The following CFAP57 variants were observed in gnomAD, a reference collection of about 807,000 sequenced individuals.
The protein encoded by CFAP57 is cilia- and flagella-associated protein 57.
Under a neutral mutation model 146.8 loss-of-function variants are expected in CFAP57, and 116 were observed. The observed-to-expected ratio is 0.79, with a 90% confidence interval of 0.68 to 0.92. CFAP57 has a LOEUF of 0.92. Ranked by LOEUF, CFAP57 falls within the 40% of genes least tolerant of loss-of-function variation. The pLI, the probability that CFAP57 is intolerant of heterozygous loss-of-function variation, is 0.00. For synonymous variants in CFAP57, 518 were observed against 552.8 expected, an observed-to-expected ratio of 0.94 and a Z score of 0.88; for missense variants, 1,377 against 1,527.2, an observed-to-expected ratio of 0.90 and a Z score of 1.64.
rs771499986 is a variant in CFAP57 at position 43,183,892 on chromosome 1, T to C, written c.761+15T>C. The C allele has an allele frequency of 3.7e-6, 6 of 1,613,256 alleles. No individual in the cohort carries two copies. The Admixed American group carries it at 6.7e-5, about 18-fold the overall frequency. On this transcript the variant is annotated intron_variant, in intron 4 of 22. Coordinates refer to ENST00000372492, the MANE Select transcript of CFAP57 (RefSeq NM_001378189.1). Reference sequence around the variant, plus strand: ...GAATCAGAGAGGTAATGGTGCTTCCTGGGCTGGTGCTCCCACATTCATTGT... The same window carrying C: ...GAATCAGAGAGGTAATGGTGCTTCCCGGGCTGGTGCTCCCACATTCATTGT...
intron 19 of CFAP57, among the ~76,000 whole-genome samples, chr1:43,233,867 G>C (rs1645575776): frequency 6.6e-6 from 1 of 152,198 alleles, no homozygotes; most frequent in South Asian, 2.1e-4. Flanking sequence ...CACGGGGGAC[G>C]TGGAAGCCCT....
intron 22 of CFAP57, among the ~76,000 whole-genome samples, chr1:43,248,037 A>G (rs761546891): frequency 1.3e-5 from 2 of 150,322 alleles, no homozygotes; most frequent in Non-Finnish European, 3.0e-5. Context: ...CCACTCAGCT[A>G]CTGAAGCAGG....
At chr1:43,174,772 C>T (rs964490075) in intron 2 of CFAP57, among the ~76,000 whole-genome samples, 55 of 152,148 alleles carry the variant, frequency 3.6e-4, no homozygotes, top group Admixed American at 3.5e-3. Context: ...GCCAAGATCG[C>T]ACCACTGCAC....
intron 21 of CFAP57, among the ~76,000 whole-genome samples, chr1:43,237,022 G>A (rs374009754): frequency 5.9e-5 from 9 of 152,142 alleles, no homozygotes; most frequent in African/African-American, 1.4e-4. Context: ...GATGGGCCAC[G>A]GGTGCCTGTG....
intron 11 of CFAP57, 104 bp downstream of exon 11, chr1:43,210,020 CTTAT>C (rs1557777516): frequency 1.9e-6 from 3 of 1,613,724 alleles, no homozygotes; most frequent in Non-Finnish European, 2.5e-6. Flanking sequence ...CTTCTTCTCT[CTTAT>C]TTATTCATCC....
chr1:43,229,213 G>T (rs1290027632), intron 18 of CFAP57, among the ~76,000 whole-genome samples: 3 of 149,016 alleles, frequency 2.0e-5, no homozygotes, highest in Non-Finnish European at 4.4e-5. Context: ...TGCATTTCAG[G>T]TCGGGTCCGT....
chr1:43,210,489 G>T, intron 11 of CFAP57: 2 of 893,976 alleles, frequency 2.2e-6, no homozygotes, highest in Non-Finnish European at 2.7e-6. Context: ...ACAATACCCT[G>T]CCTAAAAAGG....
intron 6 of CFAP57, among the ~76,000 whole-genome samples, chr1:43,190,346 C>T (rs970774374): frequency 7.1e-6 from 1 of 141,246 alleles, no homozygotes; most frequent in Non-Finnish European, 1.5e-5. Context: ...TCTTGGCTCA[C>T]TGCAAGCTCC....
chr1:43,216,191 G>A (rs1644825340), intron 12 of CFAP57, among the ~76,000 whole-genome samples: 1 of 152,162 alleles, frequency 6.6e-6, no homozygotes, highest in Admixed American at 6.5e-5. Flanking sequence ...CTAGGCACTG[G>A]GGATGCACAT....
At chr1:43,217,643 C>T (rs1253128568) in intron 12 of CFAP57, among the ~76,000 whole-genome samples, 1 of 152,132 alleles carries the variant, frequency 6.6e-6, no homozygotes, top group Admixed American at 6.6e-5. Flanking sequence ...TCCAACCTCT[C>T]CATTCCTCTC....
chr1:43,175,744 C>CA (rs1343777057), intron 2 of CFAP57, among the ~76,000 whole-genome samples: 1 of 151,412 alleles, frequency 6.6e-6, no homozygotes, highest in Non-Finnish European at 1.5e-5. Context: ...GAACTCAACT[C>CA]ATCCTCCCAC....
intron 12 of CFAP57, among the ~76,000 whole-genome samples, chr1:43,215,789 A>G (rs1318650441): frequency 6.6e-6 from 1 of 152,252 alleles, no homozygotes; most frequent in Non-Finnish European, 1.5e-5. Context: ...ACAAAAGTAA[A>G]GTATGTTCTC....
At chr1:43,240,885 A>C (rs1034896742) in intron 21 of CFAP57, among the ~76,000 whole-genome samples, 9 of 152,196 alleles carry the variant, frequency 5.9e-5, no homozygotes, top group African/African-American at 2.2e-4. Context: ...CCCAGGCTGG[A>C]GTGCAGTGGC....
chr1:43,221,539 C>A, intron 14 of CFAP57, 74 bp downstream of exon 14: 1 of 994,414 alleles, frequency 1.0e-6, no homozygotes, highest in Non-Finnish European at 1.4e-6. Flanking sequence ...CAAGAGTCCC[C>A]CAGACACAGT....
chr1:43,181,512 T>C (rs745505388), intron 2 of CFAP57, 22 bp from the exon 3 acceptor site: 15 of 1,613,762 alleles, frequency 9.3e-6, no homozygotes, highest in Middle Eastern at 1.6e-4. Context: ...CCCTGATTAT[T>C]TCCTTTTTCC....
chr1:43,241,039 T>G (rs1016875761), intron 21 of CFAP57, among the ~76,000 whole-genome samples: 3 of 152,218 alleles, frequency 2.0e-5, no homozygotes, highest in Non-Finnish European at 4.4e-5. Context: ...TTTCACCATG[T>G]TAGCCAGGAT....
At chr1:43,228,031 C>G (rs1007127402) in intron 18 of CFAP57, among the ~76,000 whole-genome samples, 1 of 152,192 alleles carries the variant, frequency 6.6e-6, no homozygotes, top group Non-Finnish European at 1.5e-5. Context: ...CAAGCAGCCA[C>G]CATCTCTTAT....
intron 9 of CFAP57, among the ~76,000 whole-genome samples, chr1:43,204,577 A>T (rs602629): frequency 0.25 from 38,231 of 151,964 alleles, 6,627 homozygotes; most frequent in African/African-American, 0.48. Context: ...CCCTGTAGTG[A>T]GCAGTGTCTC....
intron 13 of CFAP57, among the ~76,000 whole-genome samples, chr1:43,221,111 G>A (rs939843914): frequency 8.5e-5 from 13 of 152,180 alleles, no homozygotes; most frequent in South Asian, 8.3e-4. Flanking sequence ...CTTTTGACAC[G>A]TGTCCAAAAC....
Sources: allele counts gnomAD v4.1 joint callset (sites outside exome capture counted in the v4.1 genomes callset), GRCh38; gene constraint gnomAD v4.1.1; transcripts MANE v1.5; gene names NCBI Gene and HGNC (gene_info 2026-07-23, HGNC 2026-07-21).